VEGFA: variants seen among roughly 807,000 people sequenced by gnomAD.
VEGFA encodes vascular endothelial growth factor A.
In VEGFA, 20 loss-of-function variants were observed where a neutral mutation model predicts 49.7. That is an observed-to-expected ratio of 0.40 (90% CI 0.28 to 0.58). The LOEUF (loss-of-function observed/expected upper bound fraction) is 0.58. Ranked by LOEUF, VEGFA falls within the 20% of genes least tolerant of loss-of-function variation. The pLI, the probability that VEGFA is intolerant of heterozygous loss-of-function variation, is 0.40. For missense variants in VEGFA, 505 were observed against 553.5 expected (o/e 0.91, Z 0.88); for synonymous variants, 219 against 223.4 (o/e 0.98, Z 0.18).
In VEGFA at chr6:43,773,828, G is replaced by A. The variant is rs528894423; in HGVS notation, c.607-513G>A. ...TGGGGGAGGGTGGTTGGTGCCCTTCGGTCCTCGGCACCCCCCTCCGTCTCC... is the reference window on the plus strand; with the variant it reads ...TGGGGGAGGGTGGTTGGTGCCCTTCAGTCCTCGGCACCCCCCTCCGTCTCC... On this transcript the variant is annotated intron_variant, in intron 1 of 7. Transcript: ENST00000672860. The surrounding 1 kb of genome is among the most constrained non-coding windows in gnomAD (Gnocchi z 5.6). 1.1e-5 allele frequency: 2 copies of A among 183,194 alleles called. No homozygotes were observed. The highest frequency in any genetic ancestry group is 5.3e-5 in the Admixed American group (1 of 18,778). The allele number at this position is 183,194 out of a possible 1,614,324, so 11.3% of individuals were successfully genotyped here.
Position 43,773,284 on chromosome 6 carries a change from G to A in VEGFA, c.607-1057G>A, listed in dbSNP as rs1445237168. ...TGGGACTCTCCCCTAGCAGGGTCTG[G>A]TGTTCCGTAGGCTAGAGTGCCCCTC... On this transcript the variant is annotated intron_variant, in intron 1 of 7. Transcript: ENST00000672860. The surrounding 1 kb of genome is among the most constrained non-coding windows in gnomAD (Gnocchi z 5.6). 6.6e-6 allele frequency: 1 copy of A among 152,368 alleles called. No individual in the cohort carries two copies. Among genetic ancestry groups the A allele is most frequent in the East Asian group, 1.9e-4 (1 of 5,196 alleles). The allele number at this position is 152,368 out of a possible 1,614,324, so 9.4% of individuals were successfully genotyped here.
intron 7 of VEGFA, chr6:43,783,003 G>C (rs1017300954): frequency 3.3e-5 from 5 of 152,166 alleles, no homozygotes; most frequent in African/African-American, 1.2e-4. Context: ...CCTCGTTTAC[G>C]TACCTTTGTG....
chr6:43,780,554 C>A, intron 5 of VEGFA, 178 bp from the exon 6 acceptor site: 1 of 797,782 alleles, frequency 1.3e-6, no homozygotes, highest in Non-Finnish European at 2.0e-6. Context: ...TGCCCAGACA[C>A]GCCTGTGTGC....
In VEGFA at chr6:43,780,845, C is replaced by T. The variant is rs1345383477; in HGVS notation, c.1034+42C>T. On this transcript the variant is annotated intron_variant, in intron 6 of 7. Coordinates refer to ENST00000672860, the MANE Select transcript of VEGFA (RefSeq NM_003376.6). ...TGCTGTCTAATGCCCTGGAGCCTCCCTGGCCCCCAGTACAACCTCCGCCTG... is the reference window on the plus strand; with the variant it reads ...TGCTGTCTAATGCCCTGGAGCCTCCTTGGCCCCCAGTACAACCTCCGCCTG... 3 of 1,613,696 alleles carry T rather than the reference C, an allele frequency of 1.9e-6. No individual in the cohort carries two copies. The highest frequency in any genetic ancestry group is 4.5e-5 in the East Asian group (2 of 44,868).
intron 5 of VEGFA, chr6:43,780,363 CAA>C (rs1446882044): frequency 8.1e-6 from 3 of 369,256 alleles, no homozygotes; most frequent in Non-Finnish European, 1.6e-5. Flanking sequence ...GGCTGCTGGG[CAA>C]AGAGCCTTCC....
At chr6:43,784,469 G>A (rs2128062294) in intron 7 of VEGFA, 72 bp from the exon 8 acceptor site, 1 of 1,526,572 alleles carries the variant, frequency 6.6e-7, no homozygotes, top group Non-Finnish European at 9.1e-7. Flanking sequence ...CAGGAATGGG[G>A]AGGCCGCCTG....
intron 7 of VEGFA, 199 bp from the exon 8 acceptor site, chr6:43,784,342 G>A: frequency 1.5e-6 from 1 of 648,118 alleles, no homozygotes. Context: ...CTCAGGCCGG[G>A]GCTCCCTGAG....
intron 5 of VEGFA, chr6:43,779,337 G>T: frequency 2.7e-6 from 1 of 375,614 alleles, no homozygotes; most frequent in South Asian, 2.6e-5. Flanking sequence ...TGACGGTGCA[G>T]TTGGATGCGA....
chr6:43,777,082 C>A lies in VEGFA; in HGVS notation c.659-387C>A. On this transcript the variant is annotated intron_variant, in intron 2 of 7. Transcript: ENST00000672860. This position sits in a 1 kb window ranked among gnomAD's most constrained non-coding sequence, Gnocchi z 4.3. ...CGTAGGAAACTGGAGACTAGCTTGGCAAAGCTGGCTCTTCCTCCTTTTAGG... is the reference window on the plus strand; with the variant it reads ...CGTAGGAAACTGGAGACTAGCTTGGAAAAGCTGGCTCTTCCTCCTTTTAGG... The A allele has an allele frequency of 2.8e-6, 1 of 353,840 alleles. No individual in the cohort carries two copies. The highest frequency in any genetic ancestry group is 5.5e-6 in the Non-Finnish European group (1 of 180,406). 21.9% of individuals were successfully genotyped at this position (353,840 alleles called of 1,614,324 possible).
At chr6:43,783,546 G>A (rs1768630220) in intron 7 of VEGFA, 1 of 152,328 alleles carries the variant, frequency 6.6e-6, no homozygotes, top group Non-Finnish European at 1.5e-5. Flanking sequence ...GACATTTTAG[G>A]GTTTTTAGGT....
chr6:43,780,805 T>C lies in VEGFA; in HGVS notation c.1034+2T>C. The stretch of plus-strand genomic sequence containing the variant: ...ATCCCGGTATAAGTCCTGGAGCGTG[T>C]ACGTTGGTGCCCGCTGCTGTCTAAT... On this transcript the variant is annotated splice_donor_variant, in intron 6 of 7. Transcript: ENST00000672860. LOFTEE classifies it high-confidence loss of function. 1 of 1,613,976 alleles carries C rather than the reference T, an allele frequency of 6.2e-7. No homozygotes were observed. The highest frequency in any genetic ancestry group is 8.5e-7 in the Non-Finnish European group (1 of 1,180,008).
rs1769457743 is a variant in VEGFA, at chr6:43,786,431, A to C, written c.*1869A>C. The C allele has an allele frequency of 1.2e-5, 2 of 171,088 alleles. No homozygotes were observed. Among genetic ancestry groups the C allele is most frequent in the African/African-American group, 4.8e-5 (2 of 41,940 alleles). 10.6% of individuals were successfully genotyped at this position (171,088 alleles called of 1,614,324 possible). A position where few individuals can be genotyped will look rare whatever the true frequency, so the allele number is the denominator to read the frequency against. On this transcript the variant is annotated 3_prime_UTR_variant, in exon 8 of 8. Transcript: ENST00000672860. ...TTTAAACAACGACAAAGAAATACAG[A>C]TATATCTTAAAAAAAAAAAAGCATT...
rs745387465 is a variant in VEGFA, at chr6:43,771,154, G to T, written c.448G>T (p.Ala150Ser). Residue 150 changes from alanine (A) to serine (S), a missense_variant, in exon 1 of 8, where the codon GCT becomes TCT. Physicochemically the swap from Ala to Ser is moderately conservative, Grantham distance 99. Transcript: ENST00000672860. Reference sequence around the variant, plus strand: ...GGCCTCGGGCCGGGGAGGAAGAGTAGCTCGCCGAGGCGCCGAGGAGAGCGG... The same window carrying T: ...GGCCTCGGGCCGGGGAGGAAGAGTATCTCGCCGAGGCGCCGAGGAGAGCGG... 6.5e-7 allele frequency: 1 copy of T among 1,543,808 alleles called. No individual in the cohort carries two copies. The highest frequency in any genetic ancestry group is 1.4e-5 in the African/African-American group (1 of 70,684).
intron 3 of VEGFA, chr6:43,778,006 A>G (rs1455840641): frequency 2.2e-6 from 1 of 457,234 alleles, no homozygotes; most frequent in Admixed American, 3.6e-5. Flanking sequence ...AAGCTGGATG[A>G]GCCTGGTCCA....
In VEGFA at chr6:43,784,924, A is replaced by C. The variant is rs2128064042; in HGVS notation, c.*362A>C. 5.3e-6 allele frequency: 1 copy of C among 189,882 alleles called. No homozygotes were observed. Among genetic ancestry groups the C allele is most frequent in the African/African-American group, 2.4e-5 (1 of 42,228 alleles). The allele number at this position is 189,882 out of a possible 1,614,324, so 11.8% of individuals were successfully genotyped here. On this transcript the variant is annotated 3_prime_UTR_variant, in exon 8 of 8. Coordinates refer to ENST00000672860, the MANE Select transcript of VEGFA (RefSeq NM_003376.6). ...CACCCACCCACATACATACATTTAT[A>C]TATATATATATTATATATATATAAA...
rs3025046 is a variant in VEGFA at position 43,777,715 on chromosome 6, C to G, written c.855+50C>G. 1.6e-4 allele frequency: 230 copies of G among 1,480,424 alleles called. 1 individual carries two copies. The Admixed American group carries it at 1.6e-3, about 11-fold the overall frequency. The allele number at this position is 1,480,424 out of a possible 1,614,324, so 91.7% of individuals were successfully genotyped here. On this transcript the variant is annotated intron_variant, in intron 3 of 7. Coordinates refer to ENST00000672860, the MANE Select transcript of VEGFA (RefSeq NM_003376.6). The surrounding 1 kb of genome is among the most constrained non-coding windows in gnomAD (Gnocchi z 4.3). ...AAGGGGGGGATAGGGAGGGGGGTAA[C>G]ACTTTGGGAACAGGTGGTCCCAGGT...
intron 2 of VEGFA, chr6:43,774,946 AG>A (rs1296305263): frequency 6.1e-6 from 1 of 164,606 alleles, no homozygotes; most frequent in African/African-American, 2.4e-5. Flanking sequence ...GGCTGGCTGT[AG>A]CTCCCAGGCG....
In VEGFA at chr6:43,785,252, A is replaced by G; in HGVS notation, c.*690A>G. On this transcript the variant is annotated 3_prime_UTR_variant, in exon 8 of 8. Transcript: ENST00000672860. ...ACCGACAAACCCAGCCCTGGCGCTG[A>G]GCCTCTCTACCCCAGGTCAGACGGA... 4.9e-6 allele frequency: 1 copy of G among 203,304 alleles called. No homozygotes were observed. The highest frequency in any genetic ancestry group is 1.0e-5 in the Non-Finnish European group (1 of 98,656). The allele number at this position is 203,304 out of a possible 1,614,324, so 12.6% of individuals were successfully genotyped here.
At chr6:43,776,868 A>G in intron 2 of VEGFA, 1 of 177,460 alleles carries the variant, frequency 5.6e-6, no homozygotes, top group Non-Finnish European at 1.2e-5. Context: ...GGGGCAACTT[A>G]CTTAGCCTCT....
Sources: allele counts gnomAD v4.1 joint callset, GRCh38; gene constraint gnomAD v4.1.1; non-coding constraint Gnocchi (gnomAD v3.1); transcripts MANE v1.5; gene names NCBI Gene and HGNC (gene_info 2026-07-23, HGNC 2026-07-21).